The following SMN1 variants were observed in gnomAD, a reference collection of about 807,000 sequenced individuals.
SMN1 encodes survival motor neuron protein.
For synonymous variants in SMN1, 3 were observed against 5.1 expected, an observed-to-expected ratio of 0.58 and a Z score of 0.56; for missense variants, 15 against 17.1, an observed-to-expected ratio of 0.88 and a Z score of 0.22.
chr5:70,951,891 A>C, intron 7 of SMN1, 50 bp from the exon 8 acceptor site: 1 of 1,534,780 alleles, frequency 6.5e-7, no homozygotes, highest in Non-Finnish European at 9.0e-7. Flanking sequence ...ATATATAGCT[A>C]TCTATGTCTA....
At chr5:70,951,851 A>G (rs1580894741) in intron 7 of SMN1, 90 bp from the exon 8 acceptor site, 1 of 918,616 alleles carries the variant, frequency 1.1e-6, no homozygotes, top group Admixed American at 2.4e-5. Flanking sequence ...GTGAAACAAA[A>G]TGCTTTTTAA....
chr5:70,949,682 A>AT (rs1278769459), intron 7 of SMN1, among the ~76,000 whole-genome samples: 1 of 16,026 alleles, frequency 6.2e-5, no homozygotes, highest in South Asian at 1.2e-3. Context: ...TTGACTTTAA[A>AT]TTTTTTTTTT....
upstream of SMN1, chr5:70,925,056 ACT>A: frequency 7.7e-5 from 1 of 13,022 alleles, no homozygotes; most frequent in African/African-American, 1.7e-4. Flanking sequence ...GGAAGTCGTC[ACT>A]CTTAAGAAGG....
intron 7 of SMN1, among the ~76,000 whole-genome samples, chr5:70,950,231 A>G (rs1162810634): frequency 1.3e-5 from 2 of 148,174 alleles, no homozygotes; most frequent in African/African-American, 5.0e-5. Flanking sequence ...CAGCCTGACC[A>G]ACATGGAGAA....
chr5:70,959,586 G>GGAT, the SMN1 span, among the ~76,000 whole-genome samples: 1 of 82,590 alleles, frequency 1.2e-5, no homozygotes, highest in Non-Finnish European at 2.5e-5. Flanking sequence ...AGCATCTTTA[G>GGAT]GATTAAGTAT....
rs1274411771 is a variant in SMN1, at chr5:70,950,068, C to CAA, written c.835-1861_835-1860dup. Among the ~76,000 whole-genome samples the CAA allele has an allele frequency of 4.0e-5, 5 of 124,570 alleles. No homozygotes were observed. In the South Asian group the frequency reaches 7.3e-4, roughly 18 times the overall value. The allele number at this position is 124,570 out of a possible 152,430, so 81.7% of individuals were successfully genotyped here. ...GGGCAATAAGAGCAAAACTCCATCT[C>CAA]AAAAAAAAAAAAATAAGGTATAAGC... On this transcript the variant is annotated intron_variant, in intron 7 of 8. Transcript: ENST00000380707.
At chr5:70,960,372 T>A in the SMN1 span, among the ~76,000 whole-genome samples, 1 of 148,966 alleles carries the variant, frequency 6.7e-6, no homozygotes, top group Non-Finnish European at 1.5e-5. Flanking sequence ...TACACAGAGG[T>A]GAAAAATTTG....
chr5:70,954,799 G>A (rs1749856052), downstream of SMN1, among the ~76,000 whole-genome samples: 1 of 41,580 alleles, frequency 2.4e-5, no homozygotes, highest in Non-Finnish European at 5.7e-5. Context: ...GTTGTGGTGA[G>A]CCGAGATTGT....
chr5:70,958,608 A>G (rs1347324089), downstream of SMN1, among the ~76,000 whole-genome samples: 1 of 103,094 alleles, frequency 9.7e-6, no homozygotes, highest in African/African-American at 3.5e-5. Context: ...TTCAGTTTCC[A>G]TGTAGTTGAG....
At chr5:70,955,262 C>G (rs1384660238), downstream of SMN1, among the ~76,000 whole-genome samples, 3 of 139,982 alleles carry the variant, frequency 2.1e-5, no homozygotes, top group African/African-American at 7.7e-5. Flanking sequence ...AAGAGCAACT[C>G]TGCTTCTGTA....
At chr5:70,945,415 C>T (rs1191385421) in intron 6 of SMN1, among the ~76,000 whole-genome samples, 1 of 16,456 alleles carries the variant, frequency 6.1e-5, no homozygotes, top group Non-Finnish European at 9.5e-5. Flanking sequence ...CGTGAGCTGC[C>T]GCACCCAGCT....
At chr5:70,949,890 A>G (rs1379245880) in intron 7 of SMN1, among the ~76,000 whole-genome samples, 2 of 95,678 alleles carry the variant, frequency 2.1e-5, no homozygotes, top group Admixed American at 2.5e-4. Context: ...ACATGGAGAA[A>G]CCCCGTCTCT....
At chr5:70,954,685 T>TCTA, downstream of SMN1, among the ~76,000 whole-genome samples, 1 of 39,616 alleles carries the variant, frequency 2.5e-5, no homozygotes, top group Admixed American at 4.5e-4. Flanking sequence ...AAACCCTGTC[T>TCTA]CTACTAAAAA....
In SMN1 at chr5:70,951,993, G is replaced by A. The variant is rs1286965446; in HGVS notation, c.*2G>A. The A allele has an allele frequency of 3.1e-6, 5 of 1,612,640 alleles. No homozygotes were observed. In the South Asian group the frequency reaches 3.3e-5, roughly 11 times the overall value. On this transcript the variant is annotated splice_region_variant and 3_prime_UTR_variant, in exon 8 of 9. Coordinates refer to ENST00000380707, the MANE Select transcript of SMN1 (RefSeq NM_000344.4). ...AGGTGCTCACATTCCTTAAATTAAG[G>A]AGTAAGTCTGCCAGCATTATGAAAG...
chr5:70,960,392 T>C, the SMN1 span, among the ~76,000 whole-genome samples: 11 of 149,816 alleles, frequency 7.3e-5, no homozygotes, highest in Admixed American at 4.7e-4. Context: ...GAGAACCTTA[T>C]CCAGATATTC....
chr5:70,956,665 A>G (rs1281909976), downstream of SMN1, among the ~76,000 whole-genome samples: 6 of 150,230 alleles, frequency 4.0e-5, no homozygotes, highest in Admixed American at 2.0e-4. Flanking sequence ...GTTCTGTTCC[A>G]TTGGTCTATA....
At chr5:70,948,015 C>T (rs1749580670) in intron 7 of SMN1, among the ~76,000 whole-genome samples, 1 of 21,636 alleles carries the variant, frequency 4.6e-5, no homozygotes, top group Middle Eastern at 0.011. Context: ...TGTAGTATAA[C>T]CTTGGTATAT....
chr5:70,960,053 T>C, the SMN1 span, among the ~76,000 whole-genome samples: 167 of 147,924 alleles, frequency 1.1e-3, 5 homozygotes, highest in African/African-American at 3.8e-3. Context: ...CAATAATTTA[T>C]CAAACCTTTG....
downstream of SMN1, among the ~76,000 whole-genome samples, chr5:70,955,032 C>CA: frequency 7.3e-6 from 1 of 137,610 alleles, no homozygotes; most frequent in Non-Finnish European, 1.6e-5. Context: ...AGCAACAACG[C>CA]AAAACCCCTG....
Sources: allele counts gnomAD v4.1 joint callset (sites outside exome capture counted in the v4.1 genomes callset), GRCh38; gene constraint gnomAD v4.1.1; transcripts MANE v1.5; gene names NCBI Gene and HGNC (gene_info 2026-07-23, HGNC 2026-07-21).